APOL5: variants seen among roughly 807,000 people sequenced by gnomAD.
APOL5 encodes apolipoprotein L5.
In APOL5, 29 loss-of-function variants were observed where a neutral mutation model predicts 35.5. The observed-to-expected ratio is 0.82, with a 90% CI of 0.61 to 1.11. The LOEUF (loss-of-function observed/expected upper bound fraction) is 1.11, where lower values mean the gene tolerates loss of function less well. APOL5 is among the 50% of genes most tolerant of loss of function. APOL5 has a pLI of 0.00. For missense variants in APOL5, 514 were observed against 530.4 expected (o/e 0.97, Z 0.30); for synonymous variants, 188 against 200.2 (o/e 0.94, Z 0.51).
At position 35,728,753 on chromosome 22, in the gene APOL5, T is replaced by G; in HGVS notation, c.1157T>G (p.Val386Gly). The change falls in exon 4 of 5, where the codon GTG becomes GGG. Residue 386 changes from valine to glycine, a missense_variant. Val to Gly is a moderately radical substitution (Grantham distance 109, BLOSUM62 -3). This residue lies in a region of APOL5 where 238 missense variants were observed against 229.1 expected (regional missense o/e 1.04). Transcript: ENST00000249044. The part of the protein sequence containing the change: ...GSRSPLPWPV[V>G]EHQPRLGPGV... ...CGCTCACCTCTCCCCTGGCCTGTTG[T>G]GGAGCACCAGCCTAGGCTGGGCCCT... The G allele has an allele frequency of 1.2e-6, 2 of 1,613,440 alleles. No individual in the cohort carries two copies. The highest frequency in any genetic ancestry group is 1.7e-6 in the Non-Finnish European group (2 of 1,179,782).
At chr22:35,719,967 C>T (rs985759742) in intron 1 of APOL5, among the ~76,000 whole-genome samples, 4 of 152,182 alleles carry the variant, frequency 2.6e-5, no homozygotes, top group Admixed American at 6.5e-5. Flanking sequence ...GGCCACTCAG[C>T]GGTTCTCCTC....
At chr22:35,720,441 T>A (rs1468661968) in intron 1 of APOL5, 127 bp from the exon 2 acceptor site, 3 of 716,756 alleles carry the variant, frequency 4.2e-6, no homozygotes, top group Admixed American at 2.8e-5. Flanking sequence ...AGATTTTTGT[T>A]GTATTCTTTT....
intron 2 of APOL5, 86 bp downstream of exon 2, chr22:35,720,740 G>A (rs1403667338): frequency 1.0e-6 from 1 of 977,364 alleles, no homozygotes; most frequent in Non-Finnish European, 1.6e-6. Flanking sequence ...CACTCAATGA[G>A]TATTTGGGTT....
intron 2 of APOL5, among the ~76,000 whole-genome samples, chr22:35,725,413 C>G (rs982309794): frequency 2.6e-5 from 4 of 152,134 alleles, no homozygotes; most frequent in African/African-American, 4.8e-5. Flanking sequence ...CTACACCACA[C>G]CCGGCTAACT....
Position 35,726,912 on chromosome 22 carries a change from G to A in APOL5, c.844G>A (p.Gly282Ser), listed in dbSNP as rs1927183977. The change falls in exon 3 of 5, where the codon GGC becomes AGC. Residue 282 changes from glycine to serine, a missense_variant. Gly to Ser is a moderately conservative substitution (Grantham distance 56). Transcript: ENST00000249044. ...TARGVQRAFE[G>S]TTLAMTNGAW... ...TAGAGGGGTGCAGAGAGCCTTTGAG[G>A]GCACAACTCTGGCCATGACCAATGG... 1.2e-6 allele frequency: 2 copies of A among 1,614,194 alleles called. No homozygotes were observed. Among genetic ancestry groups the A allele is most frequent in the Non-Finnish European group, 1.7e-6 (2 of 1,180,046 alleles).
the APOL5 span, among the ~76,000 whole-genome samples, chr22:35,709,828 A>T: frequency 6.6e-6 from 1 of 151,664 alleles, no homozygotes; most frequent in Non-Finnish European, 1.5e-5. Context: ...ATGAGCATTG[A>T]TTTTTTTGTA....
At chr22:35,711,648 C>CCTTCCT in the APOL5 span, among the ~76,000 whole-genome samples, 56 of 19,994 alleles carry the variant, frequency 2.8e-3, 1 homozygote, top group African/African-American at 0.012. Flanking sequence ...CCTTCCTTCC[C>CCTTCCT]TCCCTCCCTC....
At chr22:35,723,205 C>T (rs1213060095) in intron 2 of APOL5, among the ~76,000 whole-genome samples, 2 of 152,140 alleles carry the variant, frequency 1.3e-5, no homozygotes, top group African/African-American at 4.8e-5. Context: ...TGCCCACAGC[C>T]TTGCATCCTT....
upstream of APOL5, among the ~76,000 whole-genome samples, chr22:35,713,347 G>A (rs1926644344): frequency 6.6e-6 from 1 of 152,186 alleles, no homozygotes. Flanking sequence ...CTATGATGGA[G>A]ATAGCGAGAG....
chr22:35,724,276 AGCCCTGTCTC>A, intron 2 of APOL5, among the ~76,000 whole-genome samples: 1 of 148,530 alleles, frequency 6.7e-6, no homozygotes. Flanking sequence ...AATATAGTGA[AGCCCTGTCTC>A]AAAAAAAAAA....
chr22:35,717,988 A>G, intron 1 of APOL5, 62 bp downstream of exon 1: 1 of 1,372,310 alleles, frequency 7.3e-7, no homozygotes, highest in Non-Finnish European at 9.9e-7. Flanking sequence ...TGTCCCAGAA[A>G]TAGAAAAAAT....
upstream of APOL5, among the ~76,000 whole-genome samples, chr22:35,716,987 G>A (rs1210174805): frequency 4.7e-5 from 3 of 63,370 alleles, no homozygotes; most frequent in Non-Finnish European, 9.2e-5. Context: ...ATCCATACAC[G>A]TTTGTCTGTT....
At chr22:35,712,520 G>A in the APOL5 span, among the ~76,000 whole-genome samples, 1 of 152,084 alleles carries the variant, frequency 6.6e-6, no homozygotes, top group Non-Finnish European at 1.5e-5. Context: ...ACCTAACCTC[G>A]TTGTGGTTTT....
upstream of APOL5, among the ~76,000 whole-genome samples, chr22:35,716,315 C>T (rs1926742005): frequency 6.6e-6 from 1 of 152,186 alleles, no homozygotes; most frequent in African/African-American, 2.4e-5. Flanking sequence ...CTCTGTCACC[C>T]AGGCTGAAGT....
At chr22:35,729,248 C>A (rs777575967) in intron 4 of APOL5, 106 bp from the exon 5 acceptor site, 7 of 206,798 alleles carry the variant, frequency 3.4e-5, no homozygotes, top group Non-Finnish European at 6.7e-5. Flanking sequence ...AATGACCTCG[C>A]CCAGCCCTGT....
chr22:35,724,286 CAA>C (rs111417764), intron 2 of APOL5, among the ~76,000 whole-genome samples: 43 of 111,108 alleles, frequency 3.9e-4, no homozygotes, highest in Non-Finnish European at 3.8e-4. Flanking sequence ...AGCCCTGTCT[CAA>C]AAAAAAAAAA....
chr22:35,711,167 G>GT, the APOL5 span, among the ~76,000 whole-genome samples: 1 of 152,108 alleles, frequency 6.6e-6, no homozygotes, highest in Admixed American at 6.6e-5. Flanking sequence ...GTGAAACTCT[G>GT]TCTCAAACAA....
At chr22:35,720,781 T>G in intron 2 of APOL5, 127 bp downstream of exon 2, 1 of 685,276 alleles carries the variant, frequency 1.5e-6, no homozygotes. Context: ...GTCTCTTCTC[T>G]GTTGCCCAGG....
At chr22:35,715,247 C>A (rs1047781780), upstream of APOL5, among the ~76,000 whole-genome samples, 3 of 152,200 alleles carry the variant, frequency 2.0e-5, no homozygotes, top group Non-Finnish European at 4.4e-5. Context: ...CCTGCTCACT[C>A]CCTTCTTGCC....
Sources: gnomAD v4.1 joint callset for allele counts (sites outside exome capture counted in the v4.1 genomes callset) on GRCh38, gnomAD v4.1.1 for gene constraint, gnomAD v4.1.1 regional missense constraint, MANE v1.5 for transcripts, NCBI Gene and HGNC (gene_info 2026-07-23, HGNC 2026-07-21) for gene names.